TSPAN5: variants seen among roughly 807,000 people sequenced by gnomAD.
TSPAN5 encodes the protein tetraspanin 5.
TSPAN5 carries 10 observed loss-of-function variants against 37.1 expected under a neutral mutation model. The ratio of observed to expected loss-of-function variants is 0.27; its 90% confidence interval spans 0.17 to 0.46. TSPAN5 has a LOEUF of 0.46. TSPAN5 is among the 20% of genes least tolerant of loss of function. The probability of loss-of-function intolerance (pLI) is 1.00; values close to 1 mark genes in which losing one functional copy is unlikely to be tolerated. For synonymous variants in TSPAN5, 110 were observed against 118.9 expected (o/e 0.93, Z 0.48); for missense variants, 195 against 326.6 (o/e 0.60, Z 3.11).
intron 2 of TSPAN5, among the ~76,000 whole-genome samples, chr4:98,498,783 A>T (rs1753274729): frequency 6.6e-6 from 1 of 152,150 alleles, no homozygotes; most frequent in Non-Finnish European, 1.5e-5. Context: ...GACTCTGCCT[A>T]GGAAGGGGCT....
intron 1 of TSPAN5, among the ~76,000 whole-genome samples, chr4:98,637,134 G>A (rs1221549498): frequency 6.6e-6 from 1 of 152,212 alleles, no homozygotes; most frequent in Non-Finnish European, 1.5e-5. Context: ...AGTGTCTGAA[G>A]CCATGCAACT....
chr4:98,509,168 G>A (rs892085434), intron 1 of TSPAN5, among the ~76,000 whole-genome samples: 1 of 152,206 alleles, frequency 6.6e-6, no homozygotes, highest in Non-Finnish European at 1.5e-5. Context: ...TGTGATGGCA[G>A]CACACCGTTT....
At chr4:98,508,166 G>T (rs17027632) in intron 1 of TSPAN5, among the ~76,000 whole-genome samples, 3 of 152,122 alleles carry the variant, frequency 2.0e-5, no homozygotes, top group African/African-American at 7.2e-5. Context: ...GTCAGCGAGG[G>T]GCATGTAGAG....
intron 2 of TSPAN5, among the ~76,000 whole-genome samples, chr4:98,492,753 T>C (rs1444222381): frequency 6.6e-6 from 1 of 152,232 alleles, no homozygotes; most frequent in Non-Finnish European, 1.5e-5. Flanking sequence ...GAATTCAGCA[T>C]CATCAATGAA....
chr4:98,479,822 G>T (rs190861154), intron 4 of TSPAN5, among the ~76,000 whole-genome samples: 3 of 152,298 alleles, frequency 2.0e-5, no homozygotes, highest in Admixed American at 6.5e-5. Context: ...TTAAGGCTCT[G>T]TTAGAAATTA....
At chr4:98,551,417 CGTT>C (rs1379700393) in intron 1 of TSPAN5, among the ~76,000 whole-genome samples, 2 of 73,874 alleles carry the variant, frequency 2.7e-5, no homozygotes, top group Non-Finnish European at 5.4e-5. Flanking sequence ...AGAATCCTCT[CGTT>C]TTTTTTTTTT....
At chr4:98,542,506 A>C (rs547955244) in intron 1 of TSPAN5, among the ~76,000 whole-genome samples, 1 of 152,236 alleles carries the variant, frequency 6.6e-6, no homozygotes, top group African/African-American at 2.4e-5. Context: ...GCTTAAGGCC[A>C]GGAGTTCAAG....
intron 1 of TSPAN5, among the ~76,000 whole-genome samples, chr4:98,639,369 G>C (rs1406088595): frequency 6.6e-6 from 1 of 152,182 alleles, no homozygotes; most frequent in Non-Finnish European, 1.5e-5. Flanking sequence ...CCAGGCCAGA[G>C]TGCAGTGGCA....
intron 1 of TSPAN5, among the ~76,000 whole-genome samples, chr4:98,567,142 T>A (rs1239190478): frequency 1.3e-5 from 2 of 152,136 alleles, no homozygotes; most frequent in African/African-American, 4.8e-5. Flanking sequence ...ACAAAATCCA[T>A]CAACAGACTG....
At chr4:98,519,934 G>C (rs948413782) in intron 1 of TSPAN5, among the ~76,000 whole-genome samples, 1 of 152,142 alleles carries the variant, frequency 6.6e-6, no homozygotes, top group Non-Finnish European at 1.5e-5. Flanking sequence ...TATCTCGTGG[G>C]GTCATTGGGA....
intron 1 of TSPAN5, among the ~76,000 whole-genome samples, chr4:98,556,922 A>G (rs1347655435): frequency 3.9e-5 from 6 of 152,244 alleles, no homozygotes; most frequent in Admixed American, 1.3e-4. Context: ...AAGTGAAATG[A>G]TTATTTCAAA....
intron 1 of TSPAN5, among the ~76,000 whole-genome samples, chr4:98,631,027 C>G (rs6820406): frequency 0.53 from 81,003 of 152,054 alleles, 22,214 homozygotes; most frequent in African/African-American, 0.64. Context: ...AATATTTCTG[C>G]TTGGCAAAGA....
At chr4:98,629,016 TAAA>T in intron 1 of TSPAN5, among the ~76,000 whole-genome samples, 1 of 152,332 alleles carries the variant, frequency 6.6e-6, no homozygotes, top group South Asian at 2.1e-4. Flanking sequence ...TATCAAAGCA[TAAA>T]TTTACTTGTT....
chr4:98,542,379 A>G (rs1384707122), intron 1 of TSPAN5, among the ~76,000 whole-genome samples: 1 of 152,210 alleles, frequency 6.6e-6, no homozygotes, highest in African/African-American at 2.4e-5. Flanking sequence ...AAGTCAAGAA[A>G]TAGTTGTTTC....
At chr4:98,483,118 A>G (rs1411532670) in intron 3 of TSPAN5, 3 of 152,190 alleles carry the variant, frequency 2.0e-5, no homozygotes, top group African/African-American at 7.2e-5. Context: ...GTTAAAATAG[A>G]TTATGAGAAA....
intron 1 of TSPAN5, among the ~76,000 whole-genome samples, chr4:98,533,306 A>C (rs1754143155): frequency 6.6e-6 from 1 of 151,976 alleles, no homozygotes; most frequent in African/African-American, 2.4e-5. Flanking sequence ...TCGGCTGTGA[A>C]TCCATCTGGT....
At chr4:98,523,609 A>AT (rs1753901244) in intron 1 of TSPAN5, among the ~76,000 whole-genome samples, 1 of 151,950 alleles carries the variant, frequency 6.6e-6, no homozygotes, top group Non-Finnish European at 1.5e-5. Flanking sequence ...TAATTTTTGT[A>AT]TTTTTTAGTA....
intron 1 of TSPAN5, 138 bp from the exon 2 acceptor site, chr4:98,507,866 G>A: frequency 3.3e-6 from 2 of 605,020 alleles, no homozygotes; most frequent in Non-Finnish European, 5.7e-6. Flanking sequence ...ATCTTTACCA[G>A]GAAAATAAAT....
intron 1 of TSPAN5, among the ~76,000 whole-genome samples, chr4:98,584,670 T>C (rs1416909139): frequency 6.6e-6 from 1 of 152,220 alleles, no homozygotes; most frequent in African/African-American, 2.4e-5. Flanking sequence ...AAAGACTCTG[T>C]GATTGCCTCA....
Sources: gnomAD v4.1 joint callset for allele counts (sites outside exome capture counted in the v4.1 genomes callset) on GRCh38, gnomAD v4.1.1 for gene constraint, MANE v1.5 for transcripts, NCBI Gene and HGNC (gene_info 2026-07-23, HGNC 2026-07-21) for gene names.